The following P3H2 variants were observed in gnomAD, a reference collection of about 807,000 sequenced individuals.
The protein encoded by P3H2 is prolyl 3-hydroxylase 2, also known as leprecan-like 1.
Under a neutral mutation model 87.0 loss-of-function variants are expected in P3H2, and 80 were observed. The ratio of observed to expected loss-of-function variants is 0.92; its 90% confidence interval spans 0.77 to 1.11. The LOEUF (loss-of-function observed/expected upper bound fraction) is 1.11, where lower values mean the gene tolerates loss of function less well. Ranked by LOEUF, P3H2 falls within the 50% of genes least tolerant of loss-of-function variation. The pLI is 0.00. For missense variants in P3H2, 1,001 were observed against 923.9 expected, an observed-to-expected ratio of 1.08 and a Z score of -1.08; for synonymous variants, 367 against 359.3, an observed-to-expected ratio of 1.02 and a Z score of -0.24.
intron 1 of P3H2, among the ~76,000 whole-genome samples, chr3:190,028,731 ACT>A (rs1476882385): frequency 6.6e-6 from 1 of 152,082 alleles, no homozygotes; most frequent in Middle Eastern, 3.2e-3. Context: ...GAATGGAGAC[ACT>A]CTATGTTTTA....
chr3:190,015,785 G>C (rs1445810601), intron 1 of P3H2, among the ~76,000 whole-genome samples: 2 of 152,196 alleles, frequency 1.3e-5, no homozygotes, highest in Non-Finnish European at 2.9e-5. Context: ...AGTGCCCTTG[G>C]AGGGCTGCTT....
At chr3:189,983,602 AG>A (rs1723602849) in intron 7 of P3H2, 1 of 155,622 alleles carries the variant, frequency 6.4e-6, no homozygotes. Flanking sequence ...AAATGATAGC[AG>A]GCTGTTCTTT....
intron 1 of P3H2, among the ~76,000 whole-genome samples, chr3:190,098,538 TG>T (rs1333137389): frequency 6.6e-6 from 1 of 152,182 alleles, no homozygotes; most frequent in African/African-American, 2.4e-5. Context: ...TACAATAAGC[TG>T]TTACTATTCT....
chr3:190,041,043 C>T (rs1316435252), intron 1 of P3H2, among the ~76,000 whole-genome samples: 7,758 of 30,324 alleles, frequency 0.26, 1,248 homozygotes, highest in Admixed American at 0.31. Context: ...TATATACACA[C>T]ACACACACAC....
chr3:190,114,270 G>C (rs538129395), intron 1 of P3H2, among the ~76,000 whole-genome samples: 1 of 148,060 alleles, frequency 6.8e-6, no homozygotes, highest in African/African-American at 2.5e-5. Context: ...TGCAAGCTCC[G>C]CCTCCCGGGT....
chr3:190,109,778 C>T (rs1273764841), intron 1 of P3H2, among the ~76,000 whole-genome samples: 2 of 150,876 alleles, frequency 1.3e-5, no homozygotes, highest in Non-Finnish European at 2.9e-5. Flanking sequence ...CATCAGTGGG[C>T]AAACTGCCTT....
intron 1 of P3H2, among the ~76,000 whole-genome samples, chr3:190,100,261 C>CGCCGCCCCCCCCACAAA (rs1491211454): frequency 2.3e-5 from 3 of 130,924 alleles, no homozygotes; most frequent in African/African-American, 9.5e-5. Context: ...CCCCCCCCCC[C>CGCCGCCCCCCCCACAAA]AAAAAAAACA....
At chr3:190,053,366 A>G (rs180811062) in intron 1 of P3H2, among the ~76,000 whole-genome samples, 61 of 151,774 alleles carry the variant, frequency 4.0e-4, no homozygotes, top group Non-Finnish European at 7.2e-4. Flanking sequence ...TATTCTAGAC[A>G]CATGTCTTTT....
intron 1 of P3H2, among the ~76,000 whole-genome samples, chr3:190,097,529 T>G (rs560196730): frequency 6.6e-6 from 1 of 152,190 alleles, no homozygotes; most frequent in South Asian, 2.1e-4. Flanking sequence ...CTGGGGCCAA[T>G]TCAGACCTCC....
chr3:190,095,277 T>C (rs1185719872), intron 1 of P3H2, among the ~76,000 whole-genome samples: 1 of 137,404 alleles, frequency 7.3e-6, no homozygotes, highest in East Asian at 2.2e-4. Context: ...AGCTGACTCA[T>C]GTCTCAAAGA....
At chr3:190,096,278 G>A (rs1727582941) in intron 1 of P3H2, among the ~76,000 whole-genome samples, 1 of 152,182 alleles carries the variant, frequency 6.6e-6, no homozygotes, top group Non-Finnish European at 1.5e-5. Flanking sequence ...TGGAGAAGGG[G>A]CTTGGTGGGT....
chr3:190,111,721 T>C (rs998255900), intron 1 of P3H2, among the ~76,000 whole-genome samples: 1 of 152,234 alleles, frequency 6.6e-6, no homozygotes, highest in African/African-American at 2.4e-5. Context: ...CCCACTTGAA[T>C]GTGACTCTTT....
rs1462411101 is a variant in P3H2 at position 189,956,754 on chromosome 3, A to C, written c.*1158T>G. On this transcript the variant is annotated 3_prime_UTR_variant, in exon 15 of 15. Transcript: ENST00000319332. The stretch of plus-strand genomic sequence containing the variant: ...TAAAATAAGCCTCCCTTTATTAAAC[A>C]AATCAGACACAAGCACAAATCTGTG... 1 of 192,244 alleles carries C rather than the reference A, an allele frequency of 5.2e-6. No individual in the cohort carries two copies. The highest frequency in any genetic ancestry group is 1.1e-5 in the Non-Finnish European group (1 of 95,060). The allele number at this position is 192,244 out of a possible 1,614,324, so 11.9% of individuals were successfully genotyped here.
chr3:189,963,705 A>G (rs1722885635), intron 14 of P3H2: 2 of 465,298 alleles, frequency 4.3e-6, no homozygotes, highest in East Asian at 4.1e-5. Flanking sequence ...CGGCCTCCCA[A>G]AGTTCTGGGG....
At chr3:190,100,286 TAAGGCTTGCC>T (rs1711574858) in intron 1 of P3H2, among the ~76,000 whole-genome samples, 2 of 120,844 alleles carry the variant, frequency 1.7e-5, no homozygotes, top group Non-Finnish European at 3.2e-5. Context: ...TATGATTGCA[TAAGGCTTGCC>T]AAGGTCATTT....
intron 1 of P3H2, among the ~76,000 whole-genome samples, chr3:190,046,122 CAAAA>C (rs62695060): frequency 2.5e-5 from 3 of 117,980 alleles, no homozygotes; most frequent in Admixed American, 8.7e-5. Context: ...GACTCCATCT[CAAAA>C]AAAAAAAAAA....
intron 9 of P3H2, 74 bp from the exon 10 acceptor site, chr3:189,974,078 C>A: frequency 8.0e-7 from 1 of 1,251,394 alleles, no homozygotes; most frequent in Admixed American, 1.7e-5. Flanking sequence ...GCTTTGGCTG[C>A]CAGAAAGCTG....
In P3H2 at chr3:190,009,043, T is replaced by G. The variant is rs191544123; in HGVS notation, c.481-13601A>C. Among the ~76,000 whole-genome samples, 13 of 152,262 alleles carry G rather than the reference T, an allele frequency of 8.5e-5. No individual in the cohort carries two copies. The East Asian group carries it at 1.9e-3, about 23-fold the overall frequency. ...CAAATATGGCATCTGTAACAGACCT[T>G]GATGGATAGATGAGATTTCAACAGG... On this transcript the variant is annotated intron_variant, in intron 1 of 14. Coordinates refer to ENST00000319332, the MANE Select transcript of P3H2 (RefSeq NM_018192.4).
At chr3:190,093,434 A>G (rs1183923183) in intron 1 of P3H2, among the ~76,000 whole-genome samples, 1 of 152,218 alleles carries the variant, frequency 6.6e-6, no homozygotes, top group African/African-American at 2.4e-5. Flanking sequence ...AACGAAGGCC[A>G]TAGAGGAAAG....
Sources: allele counts gnomAD v4.1 joint callset (sites outside exome capture counted in the v4.1 genomes callset), GRCh38; gene constraint gnomAD v4.1.1; transcripts MANE v1.5; gene names NCBI Gene and HGNC (gene_info 2026-07-23, HGNC 2026-07-21).